Variants in CSMD1 observed in about 807,000 individuals in gnomAD.
CSMD1 encodes CUB and sushi domain-containing protein 1.
CSMD1 carries 213 observed loss-of-function variants against 417.5 expected under a neutral mutation model. That is an observed-to-expected ratio of 0.51 (90% CI 0.46 to 0.57). The LOEUF (loss-of-function observed/expected upper bound fraction) is 0.57. Among genes scored for constraint, CSMD1 ranks in the 20% least tolerant of loss-of-function variants. The probability of loss-of-function intolerance (pLI) is 0.00; values close to 1 mark genes in which losing one functional copy is unlikely to be tolerated. For missense variants in CSMD1, 6,923 were observed against 4,529.7 expected (o/e 1.53, Z -15.17); for synonymous variants, 2,862 against 1,736.8 (o/e 1.65, Z -16.11).
chr8:3,490,327 C>A (rs940558418), intron 11 of CSMD1, among the ~76,000 whole-genome samples: 1 of 152,132 alleles, frequency 6.6e-6, no homozygotes, highest in Non-Finnish European at 1.5e-5. Flanking sequence ...CAATGTAATA[C>A]ATAGTTTGCA....
chr8:4,273,909 C>T (rs1042233769), intron 3 of CSMD1, among the ~76,000 whole-genome samples: 1 of 152,142 alleles, frequency 6.6e-6, no homozygotes, highest in Non-Finnish European at 1.5e-5. Context: ...TGACTCTCAC[C>T]ATTATCACTG....
At chr8:4,621,966 A>C (rs1451665214) in intron 2 of CSMD1, among the ~76,000 whole-genome samples, 1 of 152,114 alleles carries the variant, frequency 6.6e-6, no homozygotes, top group Non-Finnish European at 1.5e-5. Flanking sequence ...TCATATGAAA[A>C]AATTACATAC....
intron 3 of CSMD1, among the ~76,000 whole-genome samples, chr8:4,166,743 A>G (rs777398260): frequency 6.6e-6 from 1 of 152,210 alleles, no homozygotes; most frequent in Non-Finnish European, 1.5e-5. Flanking sequence ...CTATTGCCCC[A>G]AAACTATTGA....
At chr8:4,355,684 T>G (rs1801388055) in intron 3 of CSMD1, among the ~76,000 whole-genome samples, 1 of 152,144 alleles carries the variant, frequency 6.6e-6, no homozygotes, top group Non-Finnish European at 1.5e-5. Context: ...CCTACAGAGT[T>G]TCCTACCAAT....
chr8:4,789,891 A>G (rs562245381), intron 1 of CSMD1, among the ~76,000 whole-genome samples: 33 of 152,312 alleles, frequency 2.2e-4, no homozygotes, highest in African/African-American at 7.7e-4. Flanking sequence ...TTGCCTAAGT[A>G]ATAGAATTTA....
At chr8:4,732,344 C>T (rs369719378) in intron 1 of CSMD1, among the ~76,000 whole-genome samples, 4 of 141,142 alleles carry the variant, frequency 2.8e-5, no homozygotes, top group South Asian at 2.4e-4. Context: ...ATTTCTTCTG[C>T]GTGTGTGTGT....
intron 3 of CSMD1, among the ~76,000 whole-genome samples, chr8:4,139,379 T>A (rs545814897): frequency 1.3e-5 from 2 of 152,214 alleles, no homozygotes; most frequent in South Asian, 4.1e-4. Context: ...ACAGTGGTGT[T>A]TGAGCTGCTT....
At chr8:3,211,652 C>G (rs1167531856) in intron 30 of CSMD1, among the ~76,000 whole-genome samples, 1 of 152,196 alleles carries the variant, frequency 6.6e-6, no homozygotes, top group Non-Finnish European at 1.5e-5. Flanking sequence ...CGAGTCTTGT[C>G]TGGAGTGACA....
rs1044629655 is a variant in CSMD1, at chr8:2,957,381, T to C, written c.9814+315A>G. Among the ~76,000 whole-genome samples, 3 of 152,284 alleles carry C rather than the reference T, an allele frequency of 2.0e-5. No individual in the cohort carries two copies. The South Asian group carries it at 6.2e-4, about 32-fold the overall frequency. On this transcript the variant is annotated intron_variant, in intron 63 of 69. Transcript: ENST00000635120. ...TGCACTTATCTTCGGTTTCATGCAG[T>C]TTCTCAGACTTTACAGTGCCTGAGA...
intron 5 of CSMD1, among the ~76,000 whole-genome samples, chr8:3,868,925 C>G (rs1223067767): frequency 6.6e-6 from 1 of 152,200 alleles, no homozygotes; most frequent in Non-Finnish European, 1.5e-5. Context: ...CCCTGGCTAA[C>G]ACCCCAGAGC....
intron 3 of CSMD1, among the ~76,000 whole-genome samples, chr8:4,084,932 T>A (rs371483321): frequency 1.3e-5 from 2 of 152,086 alleles, no homozygotes; most frequent in African/African-American, 4.8e-5. Flanking sequence ...CTACAAAAAT[T>A]GGTAATTTGG....
At chr8:4,013,006 T>C (rs890676437) in intron 4 of CSMD1, among the ~76,000 whole-genome samples, 1 of 152,170 alleles carries the variant, frequency 6.6e-6, no homozygotes, top group Non-Finnish European at 1.5e-5. Flanking sequence ...CATTTTCATT[T>C]TGCAATGATT....
At chr8:3,661,802 C>G (rs2117456974) in intron 7 of CSMD1, among the ~76,000 whole-genome samples, 1 of 152,222 alleles carries the variant, frequency 6.6e-6, no homozygotes, top group East Asian at 1.9e-4. Flanking sequence ...CGGCAAACTC[C>G]TTTAAATTTA....
rs532415788 is a variant in CSMD1, at chr8:3,377,441, A to G, written c.2783-8071T>C. 3.9e-5 allele frequency among the ~76,000 whole-genome samples: 6 copies of G among 152,346 alleles called. No individual in the cohort carries two copies. In the South Asian group the frequency reaches 1.0e-3, roughly 26 times the overall value. On this transcript the variant is annotated intron_variant, in intron 18 of 69. Coordinates refer to ENST00000635120, the MANE Select transcript of CSMD1 (RefSeq NM_033225.6). ...TTACATACATTTATATCGACAGACA[A>G]TAAAGAAACAAAATGAATAAGCTAA...
chr8:4,115,425 T>C (rs993560673), intron 3 of CSMD1, among the ~76,000 whole-genome samples: 1 of 152,230 alleles, frequency 6.6e-6, no homozygotes, highest in African/African-American at 2.4e-5. Context: ...ATTCATTTTA[T>C]AGTCTAAAAC....
rs748761170 is a variant in CSMD1 at position 3,399,495 on chromosome 8, T to A, written c.2301A>T (p.Gly767=). The change falls in exon 16 of 70, where the codon GGA becomes GGT. Residue 767 remains glycine (G), a synonymous_variant. Coordinates refer to ENST00000635120, the MANE Select transcript of CSMD1 (RefSeq NM_033225.6). ...CTGGCCATCCAGGAGGCAAAATGACTCCGCTGGACGCTGTCAGATGTCCAC... is the reference window on the plus strand; with the variant it reads ...CTGGCCATCCAGGAGGCAAAATGACACCGCTGGACGCTGTCAGATGTCCAC... ...PCGGHLTASS[G]VILPPGWPGY... is the part of the protein sequence containing the mutation. The A allele has an allele frequency of 6.2e-7, 1 of 1,607,484 alleles. No individual in the cohort carries two copies. Among genetic ancestry groups the A allele is most frequent in the Non-Finnish European group, 8.5e-7 (1 of 1,177,094 alleles).
At chr8:4,352,020 T>C (rs1343429497) in intron 3 of CSMD1, among the ~76,000 whole-genome samples, 1 of 151,716 alleles carries the variant, frequency 6.6e-6, no homozygotes, top group African/African-American at 2.4e-5. Flanking sequence ...AATGCAATGC[T>C]GATCGTTTAA....
intron 3 of CSMD1, among the ~76,000 whole-genome samples, chr8:4,166,261 T>C (rs1040502137): frequency 9.9e-5 from 15 of 152,224 alleles, no homozygotes; most frequent in African/African-American, 3.6e-4. Flanking sequence ...ATGCATTTGA[T>C]ATAAAATACA....
At chr8:4,896,284 C>G (rs954193826) in intron 1 of CSMD1, among the ~76,000 whole-genome samples, 3 of 152,058 alleles carry the variant, frequency 2.0e-5, no homozygotes, top group African/African-American at 7.3e-5. Flanking sequence ...TAGCATATCG[C>G]TAATTATGGG....
Sources: allele counts gnomAD v4.1 joint callset (sites outside exome capture counted in the v4.1 genomes callset), GRCh38; gene constraint gnomAD v4.1.1; transcripts MANE v1.5; gene names NCBI Gene and HGNC (gene_info 2026-07-23, HGNC 2026-07-21).